SPATA6L: variants seen among roughly 807,000 people sequenced by gnomAD.
SPATA6L encodes spermatogenesis associated 6-like protein.
A neutral mutation model predicts 49.2 loss-of-function variants in SPATA6L; 68 were observed. The observed-to-expected ratio is 1.38, with a 90% CI of 1.14 to 1.69. SPATA6L has a LOEUF of 1.69. Ranked by LOEUF, SPATA6L falls within the 40% of genes most tolerant of loss-of-function variation. The pLI, the probability that SPATA6L is intolerant of heterozygous loss-of-function variation, is 0.00. For missense variants in SPATA6L, 668 were observed against 464.3 expected (o/e 1.44, Z -4.03); for synonymous variants, 198 against 165.7 (o/e 1.19, Z -1.50).
chr9:4,646,590 T>A (rs777638188), intron 3 of SPATA6L: 9 of 1,037,092 alleles, frequency 8.7e-6, no homozygotes, highest in Non-Finnish European at 1.2e-5. Flanking sequence ...TCAATAATTA[T>A]TAAGTTTTAA....
chr9:4,613,263 A>T (rs1052636802), intron 9 of SPATA6L, among the ~76,000 whole-genome samples: 1 of 151,776 alleles, frequency 6.6e-6, no homozygotes, highest in Non-Finnish European at 1.5e-5. Flanking sequence ...AAAGAAAATG[A>T]TTCTCTTTAA....
chr9:4,596,644 C>T (rs564917608), downstream of SPATA6L: 5 of 152,174 alleles, frequency 3.3e-5, no homozygotes, highest in Non-Finnish European at 7.3e-5. Context: ...AGCAGAAAGC[C>T]TCTCTTGTTG....
intron 4 of SPATA6L, among the ~76,000 whole-genome samples, chr9:4,634,397 G>A (rs1459632197): frequency 6.6e-6 from 1 of 152,178 alleles, no homozygotes; most frequent in Non-Finnish European, 1.5e-5. Context: ...AGGTCTTGGG[G>A]TTACAGTCAT....
chr9:4,595,182 T>C (rs1050715995), downstream of SPATA6L, among the ~76,000 whole-genome samples: 1 of 152,166 alleles, frequency 6.6e-6, no homozygotes, highest in Non-Finnish European at 1.5e-5. Context: ...CTTCACTTTG[T>C]AACAAGCCCA....
rs41279549 is a variant in SPATA6L at position 4,604,051 on chromosome 9, G to C, written c.*1+128C>G. Reference sequence around the variant, plus strand: ...GAGCAAGGGAAGAACGCAGTTCTCAGGTCTCCTCCAAGTCTCCTGTCCTCC... The same window carrying C: ...GAGCAAGGGAAGAACGCAGTTCTCACGTCTCCTCCAAGTCTCCTGTCCTCC... On this transcript the variant is annotated intron_variant, in intron 11 of 11. Coordinates refer to ENST00000682582, the MANE Select transcript of SPATA6L (RefSeq NM_001353486.2). 2.2e-3 allele frequency: 1,316 copies of C among 606,428 alleles called. 3 individuals are homozygous for C. Among genetic ancestry groups the C allele is most frequent in the Middle Eastern group, 4.5e-3 (10 of 2,228 alleles). 37.6% of individuals were successfully genotyped at this position (606,428 alleles called of 1,614,324 possible).
intron 1 of SPATA6L, chr9:4,663,146 T>C: frequency 6.2e-7 from 1 of 1,614,138 alleles, no homozygotes; most frequent in Non-Finnish European, 8.5e-7. Flanking sequence ...GGCGGCACAA[T>C]GTCACCGACG....
At chr9:4,650,108 G>A (rs1282628134) in intron 3 of SPATA6L, among the ~76,000 whole-genome samples, 1 of 152,166 alleles carries the variant, frequency 6.6e-6, no homozygotes, top group Non-Finnish European at 1.5e-5. Context: ...TACTTGCTCA[G>A]TGACTACCCT....
chr9:4,626,357 C>T (rs1830346743), intron 5 of SPATA6L: 2 of 1,260,542 alleles, frequency 1.6e-6, no homozygotes, highest in Non-Finnish European at 2.1e-6. Flanking sequence ...TTCCTCCAAG[C>T]TCCTGTGGCA....
At chr9:4,589,031 G>T (rs889727006) in intron 13 of SPATA6L, 1 of 152,140 alleles carries the variant, frequency 6.6e-6, no homozygotes, top group African/African-American at 2.4e-5. Flanking sequence ...CAACAGGATT[G>T]ATATTCTGTA....
At chr9:4,604,870 AG>A in intron 10 of SPATA6L, among the ~76,000 whole-genome samples, 1 of 152,330 alleles carries the variant, frequency 6.6e-6, no homozygotes, top group East Asian at 1.9e-4. Flanking sequence ...ATGGATCAGA[AG>A]CACTCCCCAT....
chr9:4,604,958 T>C (rs142498573), intron 10 of SPATA6L, among the ~76,000 whole-genome samples: 1 of 152,338 alleles, frequency 6.6e-6, no homozygotes, highest in Non-Finnish European at 1.5e-5. Flanking sequence ...TGGCCTTACA[T>C]AGCTCACACA....
At chr9:4,631,903 T>C (rs976735996) in intron 4 of SPATA6L, among the ~76,000 whole-genome samples, 1 of 152,112 alleles carries the variant, frequency 6.6e-6, no homozygotes, top group Non-Finnish European at 1.5e-5. Flanking sequence ...TTACACCACC[T>C]TCCCTCTCCA....
intron 4 of SPATA6L, among the ~76,000 whole-genome samples, chr9:4,630,120 G>C (rs955283765): frequency 6.6e-6 from 1 of 152,010 alleles, no homozygotes; most frequent in Non-Finnish European, 1.5e-5. Context: ...TGGTGATAGA[G>C]AAAAGACTAG....
intron 9 of SPATA6L, 142 bp from the exon 10 acceptor site, chr9:4,605,582 CA>C: frequency 1.7e-6 from 1 of 597,476 alleles, no homozygotes; most frequent in Non-Finnish European, 2.9e-6. Flanking sequence ...AGTGTGATTT[CA>C]ATGTCTTTCT....
intron 3 of SPATA6L, among the ~76,000 whole-genome samples, chr9:4,650,443 AG>A (rs1341236646): frequency 3.3e-5 from 5 of 152,344 alleles, no homozygotes; most frequent in African/African-American, 1.2e-4. Context: ...TAAAGCAAAC[AG>A]AGGAAAGAAA....
intron 3 of SPATA6L, among the ~76,000 whole-genome samples, chr9:4,655,677 T>C (rs1053145783): frequency 1.3e-5 from 2 of 152,116 alleles, no homozygotes; most frequent in African/African-American, 4.8e-5. Context: ...GCCTCCCAGG[T>C]AGCTGGGACT....
At chr9:4,605,002 G>T (rs1276332522) in intron 10 of SPATA6L, among the ~76,000 whole-genome samples, 1 of 152,174 alleles carries the variant, frequency 6.6e-6, no homozygotes, top group Non-Finnish European at 1.5e-5. Flanking sequence ...TGGGATTCAT[G>T]TGTGCAGGGG....
intron 3 of SPATA6L, among the ~76,000 whole-genome samples, chr9:4,651,750 A>G (rs1356198829): frequency 6.6e-6 from 1 of 152,224 alleles, no homozygotes; most frequent in Non-Finnish European, 1.5e-5. Context: ...AAAATTCAAC[A>G]TTACTTCATG....
At chr9:4,620,005 G>A (rs1430400418) in intron 7 of SPATA6L, among the ~76,000 whole-genome samples, 1 of 152,146 alleles carries the variant, frequency 6.6e-6, no homozygotes. Context: ...TTTCTGGACT[G>A]CTGATCCCCC....
Sources: allele counts gnomAD v4.1 joint callset (sites outside exome capture counted in the v4.1 genomes callset), GRCh38; gene constraint gnomAD v4.1.1; transcripts MANE v1.5; gene names NCBI Gene and HGNC (gene_info 2026-07-23, HGNC 2026-07-21).